The following GPBP1L1 variants were observed in gnomAD, a reference collection of about 807,000 sequenced individuals.
GPBP1L1 encodes vasculin-like protein 1.
Under a neutral mutation model 52.5 loss-of-function variants are expected in GPBP1L1, and 23 were observed. The observed-to-expected ratio is 0.44, with a 90% CI of 0.32 to 0.62. The LOEUF (loss-of-function observed/expected upper bound fraction) is 0.62, where lower values mean the gene tolerates loss of function less well. Ranked by LOEUF, GPBP1L1 falls within the 20% of genes least tolerant of loss-of-function variation. The pLI, the probability that GPBP1L1 is intolerant of heterozygous loss-of-function variation, is 0.06. For missense variants in GPBP1L1, 596 were observed against 579.3 expected (o/e 1.03, Z -0.30); for synonymous variants, 243 against 203.1 (o/e 1.20, Z -1.67).
intron 8 of GPBP1L1, chr1:45,635,466 A>G (rs1211441466): frequency 6.6e-6 from 1 of 152,222 alleles, no homozygotes; most frequent in African/African-American, 2.4e-5. Flanking sequence ...ACTCCAGAGC[A>G]CAGAAACACT....
At chr1:45,675,844 T>C (rs1009899270) in intron 2 of GPBP1L1, among the ~76,000 whole-genome samples, 1 of 152,186 alleles carries the variant, frequency 6.6e-6, no homozygotes. Flanking sequence ...CCCAGCCTTC[T>C]TACTGTTCTT....
At chr1:45,659,873 T>A (rs754850999) in intron 3 of GPBP1L1, among the ~76,000 whole-genome samples, 1 of 152,064 alleles carries the variant, frequency 6.6e-6, no homozygotes, top group Non-Finnish European at 1.5e-5. Context: ...CTGGGAAGGT[T>A]GAGGCTGCAG....
At chr1:45,646,887 T>G (rs1644754143) in intron 6 of GPBP1L1, among the ~76,000 whole-genome samples, 1 of 152,064 alleles carries the variant, frequency 6.6e-6, no homozygotes, top group African/African-American at 2.4e-5. Flanking sequence ...TTCCTTTATT[T>G]TGGTTTTCTT....
intron 6 of GPBP1L1, chr1:45,651,050 C>A (rs1392074671): frequency 2.0e-6 from 1 of 490,082 alleles, no homozygotes; most frequent in Admixed American, 2.1e-5. Flanking sequence ...GTGGCAAGTT[C>A]TTTAGCCTTT....
chr1:45,679,405 A>C (rs1316426114), intron 2 of GPBP1L1, among the ~76,000 whole-genome samples: 1 of 152,194 alleles, frequency 6.6e-6, no homozygotes, highest in Non-Finnish European at 1.5e-5. Flanking sequence ...CGGTCCTTGC[A>C]TCTTTGCATC....
intron 2 of GPBP1L1, among the ~76,000 whole-genome samples, chr1:45,665,697 C>T (rs1557715589): frequency 1.4e-5 from 2 of 144,496 alleles, no homozygotes; most frequent in Admixed American, 1.4e-4. Flanking sequence ...GCCAAGATCA[C>T]GCCACCACTG....
At chr1:45,680,298 G>A (rs1645197153) in intron 2 of GPBP1L1, among the ~76,000 whole-genome samples, 1 of 145,960 alleles carries the variant, frequency 6.9e-6, no homozygotes, top group Non-Finnish European at 1.5e-5. Flanking sequence ...GAGTTCAATG[G>A]CACAGTCTTG....
chr1:45,644,065 G>A (rs1338130529), intron 6 of GPBP1L1, among the ~76,000 whole-genome samples: 2 of 152,136 alleles, frequency 1.3e-5, no homozygotes, highest in Non-Finnish European at 2.9e-5. Context: ...AATCTCCAGG[G>A]GCAGGGCCTC....
intron 2 of GPBP1L1, among the ~76,000 whole-genome samples, chr1:45,672,640 A>G (rs1336802861): frequency 6.6e-6 from 1 of 152,148 alleles, no homozygotes; most frequent in African/African-American, 2.4e-5. Flanking sequence ...CTGTAGACCA[A>G]TTTTATTTAA....
intron 2 of GPBP1L1, among the ~76,000 whole-genome samples, chr1:45,666,185 C>G (rs980199623): frequency 6.6e-6 from 1 of 151,594 alleles, no homozygotes; most frequent in Non-Finnish European, 1.5e-5. Flanking sequence ...TGCAGTGGCA[C>G]CCACTGCAAC....
chr1:45,678,215 A>G (rs886222620), intron 2 of GPBP1L1, among the ~76,000 whole-genome samples: 18 of 152,246 alleles, frequency 1.2e-4, no homozygotes, highest in African/African-American at 4.3e-4. Flanking sequence ...TTCTACAATT[A>G]GTAGCAATGG....
rs79314777 is a variant in GPBP1L1, at chr1:45,668,681, C to A, written c.-1097-7456G>T. Among the ~76,000 whole-genome samples, 2,055 of 152,112 alleles carry A rather than the reference C, an allele frequency of 0.014. 82 individuals carry two copies. In the East Asian group the frequency reaches 0.16, roughly 12 times the overall value. ...CAAAAACAAAAACAAAACAAAAAAA[C>A]CAAAACAGAACACCTGCATCTACAT... On this transcript the variant is annotated intron_variant, in intron 2 of 12. Transcript: ENST00000355105.
intron 2 of GPBP1L1, among the ~76,000 whole-genome samples, chr1:45,666,170 T>C (rs528408569): frequency 6.1e-4 from 92 of 150,994 alleles, no homozygotes; most frequent in Admixed American, 5.9e-3. Flanking sequence ...TCACCCAGGC[T>C]GGAGTGCAGT....
intron 2 of GPBP1L1, among the ~76,000 whole-genome samples, chr1:45,663,716 C>T (rs763772172): frequency 3.1e-4 from 47 of 152,098 alleles, no homozygotes; most frequent in Non-Finnish European, 4.7e-4. Context: ...AAGGAAAAAT[C>T]CCAAAATGTT....
At chr1:45,680,353 C>G (rs151234343) in intron 2 of GPBP1L1, among the ~76,000 whole-genome samples, 1 of 151,318 alleles carries the variant, frequency 6.6e-6, no homozygotes, top group African/African-American at 2.4e-5. Flanking sequence ...ATTCTAGTGC[C>G]TCAGCCTCCA....
In GPBP1L1 at chr1:45,647,368, A is replaced by G. The variant is rs1194927339; in HGVS notation, c.478-4869T>C. On this transcript the variant is annotated intron_variant, in intron 6 of 12. Transcript: ENST00000355105. ...GTCTCTCTGCAGCTCAATCTGGATT[A>G]TATTTCCAACAGTTTGTCCTCAGTG... 3.3e-5 allele frequency among the ~76,000 whole-genome samples: 5 copies of G among 152,154 alleles called. No individual in the cohort carries two copies. In the East Asian group the frequency reaches 7.7e-4, roughly 23 times the overall value.
At chr1:45,649,941 C>T (rs1644801062) in intron 6 of GPBP1L1, among the ~76,000 whole-genome samples, 1 of 152,166 alleles carries the variant, frequency 6.6e-6, no homozygotes, top group Admixed American at 6.5e-5. Context: ...TTAGGATTTT[C>T]ATTTCACCTG....
intron 5 of GPBP1L1, among the ~76,000 whole-genome samples, 174 bp downstream of exon 5, chr1:45,655,016 T>C (rs997538432): frequency 1.3e-5 from 2 of 152,238 alleles, no homozygotes; most frequent in African/African-American, 4.8e-5. Context: ...ATGAGAATCA[T>C]AATCATAGTT....
At chr1:45,680,235 CTTTTT>C (rs58188753) in intron 2 of GPBP1L1, among the ~76,000 whole-genome samples, 2 of 130,144 alleles carry the variant, frequency 1.5e-5, no homozygotes, top group South Asian at 2.4e-4. Context: ...TTGAGACACG[CTTTTT>C]TTTTTTTTTT....
Sources: gnomAD v4.1 joint callset for allele counts (sites outside exome capture counted in the v4.1 genomes callset) on GRCh38, gnomAD v4.1.1 for gene constraint, MANE v1.5 for transcripts, NCBI Gene and HGNC (gene_info 2026-07-23, HGNC 2026-07-21) for gene names.